ITCH: variants seen among roughly 807,000 people sequenced by gnomAD.
The protein encoded by ITCH is E3 ubiquitin-protein ligase Itchy homolog.
A neutral mutation model predicts 126.8 loss-of-function variants in ITCH; 28 were observed. The observed-to-expected ratio is 0.22, with a 90% CI of 0.16 to 0.30. ITCH has a LOEUF of 0.30. ITCH is among the 10% of genes least tolerant of loss of function. The pLI, the probability that ITCH is intolerant of heterozygous loss-of-function variation, is 1.00. For synonymous variants in ITCH, 342 were observed against 340.0 expected (o/e 1.01, Z -0.06); for missense variants, 631 against 1,032.4 (o/e 0.61, Z 5.33).
chr20:34,425,349 C>G (rs747830450), intron 7 of ITCH, among the ~76,000 whole-genome samples: 1 of 152,168 alleles, frequency 6.6e-6, no homozygotes, highest in Admixed American at 6.5e-5. Context: ...AGGTTTCCCC[C>G]CACTGAGACA....
At chr20:34,403,415 A>C (rs1032065514) in intron 3 of ITCH, among the ~76,000 whole-genome samples, 1 of 152,142 alleles carries the variant, frequency 6.6e-6, no homozygotes, top group African/African-American at 2.4e-5. Context: ...AGAGAGAGAG[A>C]GCACATGCAT....
At chr20:34,367,252 A>G (rs1177285046) in intron 1 of ITCH, among the ~76,000 whole-genome samples, 2 of 152,102 alleles carry the variant, frequency 1.3e-5, no homozygotes, top group African/African-American at 2.4e-5. Context: ...ATCTCGGCTC[A>G]CTGCAACCTC....
chr20:34,469,195 TGGAATTTGGA>T (rs1987380194), intron 14 of ITCH, among the ~76,000 whole-genome samples: 1 of 151,472 alleles, frequency 6.6e-6, no homozygotes, highest in African/African-American at 2.4e-5. Flanking sequence ...CACTCCAGGC[TGGAATTTGGA>T]GGAAGGGCAA....
At chr20:34,368,523 G>T (rs1205894408) in intron 1 of ITCH, among the ~76,000 whole-genome samples, 1 of 151,714 alleles carries the variant, frequency 6.6e-6, no homozygotes, top group African/African-American at 2.4e-5. Flanking sequence ...TACTGGCTTT[G>T]AGTCAATATA....
At chr20:34,391,180 T>A (rs993656089) in intron 2 of ITCH, among the ~76,000 whole-genome samples, 1 of 152,244 alleles carries the variant, frequency 6.6e-6, no homozygotes, top group African/African-American at 2.4e-5. Flanking sequence ...ATGCTGTTTT[T>A]AAAATTGTAC....
intron 15 of ITCH, 25 bp from the exon 16 acceptor site, chr20:34,471,419 G>A: frequency 1.4e-6 from 2 of 1,430,372 alleles, no homozygotes; most frequent in Middle Eastern, 1.7e-4. Flanking sequence ...GATGAGAGTT[G>A]ACTTAAGTCA....
chr20:34,411,051 A>G (rs1342596572), intron 4 of ITCH, among the ~76,000 whole-genome samples: 3 of 152,188 alleles, frequency 2.0e-5, no homozygotes, highest in Non-Finnish European at 2.9e-5. Flanking sequence ...GAATTGAAAC[A>G]AGACTGATCA....
chr20:34,364,764 G>A lies in ITCH; in HGVS notation c.-99+1415G>A, dbSNP rs557251793. ...AAAAATCCTGGGCGTGGTGGCGCGC[G>A]CCTGTAGTCCCAGCTACTAGGGAGG... On this transcript the variant is annotated intron_variant, in intron 1 of 24. Transcript: ENST00000374864. 1.7e-4 allele frequency among the ~76,000 whole-genome samples: 25 copies of A among 148,138 alleles called. No homozygotes were observed. In the South Asian group the frequency reaches 4.5e-3, roughly 27 times the overall value.
chr20:34,442,133 G>C (rs1197014355), intron 9 of ITCH, 75 bp from the exon 10 acceptor site: 14 of 1,018,062 alleles, frequency 1.4e-5, no homozygotes, highest in Non-Finnish European at 2.0e-5. Flanking sequence ...TCATTTAATG[G>C]AAATGCAAAG....
intron 23 of ITCH, 139 bp downstream of exon 23, chr20:34,492,736 A>G (rs968931380): frequency 2.9e-6 from 2 of 690,906 alleles, no homozygotes; most frequent in African/African-American, 1.8e-5. Flanking sequence ...ATGGATTTGT[A>G]TAACCTTTAA....
At chr20:34,481,868 G>C (rs1445764186) in intron 20 of ITCH, among the ~76,000 whole-genome samples, 1 of 152,258 alleles carries the variant, frequency 6.6e-6, no homozygotes, top group Admixed American at 6.5e-5. Flanking sequence ...AAAATTAGCT[G>C]GGTGTGGTGG....
intron 6 of ITCH, chr20:34,416,977 T>C: frequency 2.4e-6 from 1 of 424,810 alleles, no homozygotes. Flanking sequence ...TGGCACTATC[T>C]CAGCTCACTG....
At chr20:34,429,301 A>C (rs1981969914) in intron 7 of ITCH, among the ~76,000 whole-genome samples, 1 of 152,194 alleles carries the variant, frequency 6.6e-6, no homozygotes. Context: ...TGTATACTGT[A>C]TAGATTTCCG....
chr20:34,364,208 A>G (rs1397191730), intron 1 of ITCH, among the ~76,000 whole-genome samples: 3 of 152,158 alleles, frequency 2.0e-5, no homozygotes, highest in African/African-American at 7.2e-5. Flanking sequence ...GAACTTGTAA[A>G]GGGCCAGGAA....
chr20:34,414,141 C>CT (rs1393149112), intron 6 of ITCH, among the ~76,000 whole-genome samples: 9 of 125,592 alleles, frequency 7.2e-5, no homozygotes, highest in South Asian at 2.6e-4. Flanking sequence ...GACCTTGTTT[C>CT]TTTAAAAAAA....
chr20:34,469,353 A>G (rs1245417952), intron 14 of ITCH, among the ~76,000 whole-genome samples: 2 of 151,656 alleles, frequency 1.3e-5, no homozygotes, highest in African/African-American at 4.9e-5. Context: ...CAGTGGTGCA[A>G]TCTCAGCTCA....
At chr20:34,482,551 C>A (rs1988827701) in intron 20 of ITCH, among the ~76,000 whole-genome samples, 1 of 152,228 alleles carries the variant, frequency 6.6e-6, no homozygotes, top group Non-Finnish European at 1.5e-5. Flanking sequence ...GACTCCATGT[C>A]TCATATGCAA....
At chr20:34,451,719 G>GA (rs982817033) in intron 12 of ITCH, among the ~76,000 whole-genome samples, 2 of 151,922 alleles carry the variant, frequency 1.3e-5, no homozygotes, top group Admixed American at 6.6e-5. Flanking sequence ...TAGAGAAGGA[G>GA]AAAAAAACTC....
intron 2 of ITCH, among the ~76,000 whole-genome samples, chr20:34,373,017 G>A (rs917010390): frequency 2.1e-5 from 3 of 144,858 alleles, no homozygotes; most frequent in South Asian, 4.3e-4. Flanking sequence ...TCTTGTTGCC[G>A]AGGCTGGAGT....
Sources: allele counts gnomAD v4.1 joint callset (sites outside exome capture counted in the v4.1 genomes callset), GRCh38; gene constraint gnomAD v4.1.1; transcripts MANE v1.5; gene names NCBI Gene and HGNC (gene_info 2026-07-23, HGNC 2026-07-21).